ELAVL1: variants seen among roughly 807,000 people sequenced by gnomAD.
The protein encoded by ELAVL1 is ELAV like RNA binding protein 1, also known as ELAV-like protein 1.
In ELAVL1, 1 loss-of-function variant was observed where a neutral mutation model predicts 28.4. The ratio of observed to expected loss-of-function variants is 0.04; its 90% CI spans 0.01 to 0.17. The LOEUF is 0.17. Ranked by LOEUF, ELAVL1 falls within the 10% of genes least tolerant of loss-of-function variation. The pLI is 1.00. For synonymous variants in ELAVL1, 174 were observed against 183.5 expected (o/e 0.95, Z 0.42); for missense variants, 157 against 447.2 (o/e 0.35, Z 5.85).
intron 1 of ELAVL1, chr19:8,002,037 C>T: frequency 1.6e-6 from 2 of 1,289,294 alleles, no homozygotes; most frequent in Middle Eastern, 2.1e-4. Flanking sequence ...TGCTCAGTAG[C>T]CACCCCTGGC....
At chr19:7,970,909 CCA>C (rs756034031) in intron 4 of ELAVL1, among the ~76,000 whole-genome samples, 22 of 152,278 alleles carry the variant, frequency 1.4e-4, no homozygotes, top group Admixed American at 4.6e-4. Context: ...AAGGCAAACT[CCA>C]CACAGGCTGG....
rs951125390 is a variant in ELAVL1, at chr19:7,977,793, G to A, written c.276+3290C>T. On this transcript the variant is annotated intron_variant, in intron 3 of 5. Coordinates refer to ENST00000407627, the MANE Select transcript of ELAVL1 (RefSeq NM_001419.3). ...GGGCTGGGGCCTCAGAGCCCAGGAT[G>A]AGCACAAGGCTCCAGGAGGCCCTGC... Among the ~76,000 whole-genome samples, 6 of 152,392 alleles carry A rather than the reference G, an allele frequency of 3.9e-5. No individual in the cohort carries two copies. The East Asian group carries it at 5.8e-4, about 15-fold the overall frequency.
intron 3 of ELAVL1, among the ~76,000 whole-genome samples, chr19:7,976,385 G>C (rs565193592): frequency 2.6e-4 from 39 of 151,026 alleles, no homozygotes; most frequent in African/African-American, 9.5e-4. Context: ...CTGAGTGACA[G>C]AGCAAGACTC....
chr19:7,975,012 T>C lies in ELAVL1; in HGVS notation c.277-1134A>G, dbSNP rs1032190839. Among the ~76,000 whole-genome samples, 3 of 151,742 alleles carry C rather than the reference T, an allele frequency of 2.0e-5. No homozygotes were observed. In the East Asian group the frequency reaches 5.8e-4, roughly 30 times the overall value. Reference sequence around the variant, plus strand: ...GGAGGCCAGCTCTGCCTGGTAGCGGTGGGAATCGAGGGAGCATGTCACTAC... The same window carrying C: ...GGAGGCCAGCTCTGCCTGGTAGCGGCGGGAATCGAGGGAGCATGTCACTAC... On this transcript the variant is annotated intron_variant, in intron 3 of 5. Coordinates refer to ENST00000407627, the MANE Select transcript of ELAVL1 (RefSeq NM_001419.3).
chr19:7,982,066 G>A lies in ELAVL1; in HGVS notation c.173-880C>T, dbSNP rs1985479333. ...ACCAGGTTCACAGGCAGATGTCCCT[G>A]TACCCCCTTTGTGAAACACTCAGCA... On this transcript the variant is annotated intron_variant, in intron 2 of 5. Transcript: ENST00000407627. The surrounding 1 kb of genome is among the most constrained non-coding windows in gnomAD (Gnocchi z 4.3). 6.6e-6 allele frequency among the ~76,000 whole-genome samples: 1 copy of A among 152,172 alleles called. No individual in the cohort carries two copies. The highest frequency in any genetic ancestry group is 2.1e-4 in the South Asian group (1 of 4,830).
chr19:7,994,666 T>G (rs1010019936), intron 1 of ELAVL1, among the ~76,000 whole-genome samples: 1 of 152,236 alleles, frequency 6.6e-6, no homozygotes, highest in Non-Finnish European at 1.5e-5. Flanking sequence ...CACCTGCTAC[T>G]GATCTGAGTA....
At chr19:7,986,137 T>C (rs1416801923) in intron 2 of ELAVL1, among the ~76,000 whole-genome samples, 1 of 152,188 alleles carries the variant, frequency 6.6e-6, no homozygotes, top group African/African-American at 2.4e-5. Flanking sequence ...AATGCTTCCA[T>C]CCCTCCATGC....
chr19:8,003,561 C>G (rs1369711985), intron 1 of ELAVL1, among the ~76,000 whole-genome samples: 1 of 150,666 alleles, frequency 6.6e-6, no homozygotes, highest in Non-Finnish European at 1.5e-5. Flanking sequence ...GCGTGGTAGC[C>G]GGCGCCTGTA....
rs1288376329 is a variant in ELAVL1, at chr19:7,959,089, T to C, written c.*4394A>G. On this transcript the variant is annotated 3_prime_UTR_variant, in exon 6 of 6. Coordinates refer to ENST00000407627, the MANE Select transcript of ELAVL1 (RefSeq NM_001419.3). ...AAAAAATAAAAAGGCAATGGGCTGA[T>C]GGAAAACTGATAAGGGCTTTTCTTT... The C allele has an allele frequency of 2.6e-5, 4 of 152,548 alleles. No individual in the cohort carries two copies. The East Asian group carries it at 7.7e-4, about 29-fold the overall frequency. The allele number at this position is 152,548 out of a possible 1,614,324, so 9.4% of individuals were successfully genotyped here.
chr19:7,974,930 C>T (rs138369251), intron 3 of ELAVL1, among the ~76,000 whole-genome samples: 8 of 152,338 alleles, frequency 5.3e-5, no homozygotes, highest in Non-Finnish European at 1.0e-4. Context: ...GCTCATAGGG[C>T]AGTGGGCGGC....
rs573564297 is a variant in ELAVL1, at chr19:7,961,237, T to C, written c.*2246A>G. 3 of 152,396 alleles carry C rather than the reference T, an allele frequency of 2.0e-5. No individual in the cohort carries two copies. Among genetic ancestry groups the C allele is most frequent in the African/African-American group, 7.2e-5 (3 of 41,590 alleles). The allele number at this position is 152,396 out of a possible 1,614,324, so 9.4% of individuals were successfully genotyped here. ...TTGAAGCTTAAGACAGAGTTCTCTG[T>C]TGAATGCTAGCTATGGGCATGTGTG... is the stretch of plus-strand genomic sequence containing the variant. On this transcript the variant is annotated 3_prime_UTR_variant, in exon 6 of 6. Coordinates refer to ENST00000407627, the MANE Select transcript of ELAVL1 (RefSeq NM_001419.3).
At chr19:7,996,239 T>G (rs2081047796) in intron 1 of ELAVL1, among the ~76,000 whole-genome samples, 1 of 151,028 alleles carries the variant, frequency 6.6e-6, no homozygotes, top group Non-Finnish European at 1.5e-5. Flanking sequence ...TGGAGTGCAG[T>G]GGCATGATCT....
rs138973976 is a variant in ELAVL1 at position 7,975,019 on chromosome 19, C to T, written c.277-1141G>A. Among the ~76,000 whole-genome samples the T allele has an allele frequency of 2.6e-3, 396 of 152,198 alleles. 2 individuals carry two copies. Among genetic ancestry groups the T allele is most frequent in the African/African-American group, 9.0e-3 (374 of 41,534 alleles). On this transcript the variant is annotated intron_variant, in intron 3 of 5. Transcript: ENST00000407627. ...AGCTCTGCCTGGTAGCGGTGGGAAT[C>T]GAGGGAGCATGTCACTACGGAGCCC...
rs1985464487 is a variant in ELAVL1, at chr19:7,981,537, A to G, written c.173-351T>C. Among the ~76,000 whole-genome samples the G allele has an allele frequency of 2.6e-5, 4 of 151,796 alleles. No individual in the cohort carries two copies. The stretch of plus-strand genomic sequence containing the variant: ...CAGGCCCAAGCTAATTGTTAAAATT[A>G]TTTTTAGAGATGGGGTCTCACTATG... On this transcript the variant is annotated intron_variant, in intron 2 of 5. Transcript: ENST00000407627. The surrounding 1 kb of genome is among the most constrained non-coding windows in gnomAD (Gnocchi z 4.2).
intron 1 of ELAVL1, among the ~76,000 whole-genome samples, chr19:7,996,306 C>G (rs1180823534): frequency 6.6e-6 from 1 of 151,948 alleles, no homozygotes; most frequent in Admixed American, 6.6e-5. Context: ...CTCAGCCTCC[C>G]AAGTAGCTGG....
At chr19:7,985,164 C>G (rs1177321426) in intron 2 of ELAVL1, among the ~76,000 whole-genome samples, 1 of 152,254 alleles carries the variant, frequency 6.6e-6, no homozygotes, top group Non-Finnish European at 1.5e-5. Context: ...AAGCGATCCT[C>G]CCACCTTGGC....
chr19:8,001,363 G>GT (rs1472037781), intron 1 of ELAVL1, among the ~76,000 whole-genome samples: 1 of 152,172 alleles, frequency 6.6e-6, no homozygotes, highest in Non-Finnish European at 1.5e-5. Flanking sequence ...TGTCCTGCCA[G>GT]TTTGACATGT....
intron 4 of ELAVL1, chr19:7,973,436 T>C (rs1381533136): frequency 1.6e-5 from 7 of 439,216 alleles, no homozygotes; most frequent in African/African-American, 2.0e-5. Context: ...TTCACCATGT[T>C]GGTCAGGCTG....
intron 1 of ELAVL1, among the ~76,000 whole-genome samples, chr19:8,004,774 C>A (rs934369030): frequency 6.6e-6 from 1 of 152,162 alleles, no homozygotes; most frequent in Non-Finnish European, 1.5e-5. Flanking sequence ...CTGCCCTGCA[C>A]ACAGTAGGGA....
Sources: gnomAD v4.1 joint callset for allele counts (sites outside exome capture counted in the v4.1 genomes callset) on GRCh38, gnomAD v4.1.1 for gene constraint, Gnocchi (gnomAD v3.1) non-coding constraint, MANE v1.5 for transcripts, NCBI Gene and HGNC (gene_info 2026-07-23, HGNC 2026-07-21) for gene names.